SNCAIP: variants seen among roughly 807,000 people sequenced by gnomAD.
SNCAIP encodes synphilin-1.
Under a neutral mutation model 86.7 loss-of-function variants are expected in SNCAIP, and 43 were observed. The observed-to-expected ratio is 0.50, with a 90% CI of 0.39 to 0.64. SNCAIP has a LOEUF of 0.64. Ranked by LOEUF, SNCAIP falls within the 30% of genes least tolerant of loss-of-function variation. The pLI, the probability that SNCAIP is intolerant of heterozygous loss-of-function variation, is 0.00. For synonymous variants in SNCAIP, 417 were observed against 427.2 expected, an observed-to-expected ratio of 0.98 and a Z score of 0.29; for missense variants, 981 against 1,103.1, an observed-to-expected ratio of 0.89 and a Z score of 1.57.
At chr5:122,382,036 C>G (rs929640346) in intron 1 of SNCAIP, among the ~76,000 whole-genome samples, 2 of 152,036 alleles carry the variant, frequency 1.3e-5, no homozygotes, top group Admixed American at 1.3e-4. Flanking sequence ...TTGCTCTTCT[C>G]GAGGATTATC....
intron 1 of SNCAIP, among the ~76,000 whole-genome samples, chr5:122,344,897 A>T (rs1361466750): frequency 6.6e-6 from 1 of 152,206 alleles, no homozygotes; most frequent in Non-Finnish European, 1.5e-5. Context: ...GTTGCCTTTA[A>T]TAGGAAATAT....
intron 10 of SNCAIP, among the ~76,000 whole-genome samples, chr5:122,453,241 T>C (rs1784077055): frequency 6.6e-6 from 1 of 152,196 alleles, no homozygotes; most frequent in South Asian, 2.1e-4. Flanking sequence ...GTTCACAAAC[T>C]TTTGCTGTAT....
intron 1 of SNCAIP, among the ~76,000 whole-genome samples, chr5:122,383,279 A>T (rs1421625812): frequency 6.6e-6 from 1 of 152,142 alleles, no homozygotes; most frequent in African/African-American, 2.4e-5. Flanking sequence ...AAAGCTCAAT[A>T]TTCGGGTGGG....
chr5:122,406,832 G>C (rs1000385360), intron 3 of SNCAIP, among the ~76,000 whole-genome samples: 2 of 151,952 alleles, frequency 1.3e-5, no homozygotes, highest in African/African-American at 2.4e-5. Flanking sequence ...CCAATCTCGG[G>C]TATTTCTTTA....
intron 7 of SNCAIP, chr5:122,444,211 C>T (rs1326443597): frequency 2.1e-6 from 1 of 474,936 alleles, no homozygotes; most frequent in Non-Finnish European, 4.2e-6. Context: ...ATTCCAGTCT[C>T]CCCCTCTTAC....
chr5:122,382,860 CA>C (rs1767187078), intron 1 of SNCAIP, among the ~76,000 whole-genome samples: 1 of 152,234 alleles, frequency 6.6e-6, no homozygotes, highest in Non-Finnish European at 1.5e-5. Flanking sequence ...GCTCGGGGGT[CA>C]GGGGTCAGGG....
At chr5:122,414,004 G>A (rs966730605) in intron 3 of SNCAIP, among the ~76,000 whole-genome samples, 13 of 152,070 alleles carry the variant, frequency 8.5e-5, no homozygotes, top group African/African-American at 3.1e-4. Context: ...CCAACTCCTG[G>A]ACTCAAGCAG....
intron 1 of SNCAIP, among the ~76,000 whole-genome samples, chr5:122,378,882 C>T (rs1033096860): frequency 1.4e-5 from 2 of 145,874 alleles, no homozygotes; most frequent in Non-Finnish European, 3.0e-5. Context: ...GGGCTCTGTT[C>T]TGTTCCATTC....
intron 1 of SNCAIP, among the ~76,000 whole-genome samples, chr5:122,380,177 T>C (rs1336409008): frequency 3.3e-5 from 5 of 152,192 alleles, no homozygotes. Context: ...TCCTGTACTC[T>C]TTTTGGTTGG....
rs76138176 is a variant in SNCAIP at position 122,329,378 on chromosome 5, T to G, written c.-47+17094T>G. 9.4e-3 allele frequency among the ~76,000 whole-genome samples: 1,430 copies of G among 152,206 alleles called. 24 individuals carry two copies. Among genetic ancestry groups the G allele is most frequent in the African/African-American group, 0.033 (1,358 of 41,548 alleles). On this transcript the variant is annotated intron_variant, in intron 1 of 10. Coordinates refer to ENST00000261368, the MANE Select transcript of SNCAIP (RefSeq NM_005460.4). ...GGTTAATTATTCATAATACTCCCTC[T>G]CTTGAACCTCCCGGTGTCTCCCAAT... is the stretch of plus-strand genomic sequence containing the variant.
At chr5:122,355,710 G>A (rs546361260) in intron 1 of SNCAIP, among the ~76,000 whole-genome samples, 69 of 152,272 alleles carry the variant, frequency 4.5e-4, no homozygotes, top group African/African-American at 1.5e-3. Context: ...TCACAGAGGG[G>A]AATGGAGTAG....
chr5:122,382,017 G>A (rs1351102865), intron 1 of SNCAIP, among the ~76,000 whole-genome samples: 1 of 151,964 alleles, frequency 6.6e-6, no homozygotes, highest in Non-Finnish European at 1.5e-5. Flanking sequence ...ACAATTATGT[G>A]TCTTGGGGTT....
At chr5:122,375,410 A>G (rs1399415517) in intron 1 of SNCAIP, among the ~76,000 whole-genome samples, 1 of 150,322 alleles carries the variant, frequency 6.7e-6, no homozygotes, top group Non-Finnish European at 1.5e-5. Context: ...AATTGTTTTC[A>G]GTGTCTTCAC....
intron 1 of SNCAIP, among the ~76,000 whole-genome samples, chr5:122,378,751 C>A (rs1765951682): frequency 1.5e-5 from 2 of 137,504 alleles, no homozygotes; most frequent in African/African-American, 2.8e-5. Context: ...TTTCAGCTTT[C>A]TACATATGGC....
Position 122,451,241 on chromosome 5 carries a change from C to T in SNCAIP, c.2394C>T (p.Ala798=). 6.2e-7 allele frequency: 1 copy of T among 1,614,134 alleles called. No individual in the cohort carries two copies. Among genetic ancestry groups the T allele is most frequent in the Non-Finnish European group, 8.5e-7 (1 of 1,180,008 alleles). ...AAGTTGCCACAAGTCCCAAGAGTGCCCTCAAGTCTCCATCTTCCAAGCGTA... is the reference window on the plus strand; with the variant it reads ...AAGTTGCCACAAGTCCCAAGAGTGCTCTCAAGTCTCCATCTTCCAAGCGTA... The part of the protein sequence containing the change: ...AQKVATSPKS[A]LKSPSSKRRT... Residue 798 remains alanine (A), a synonymous_variant, in exon 10 of 11, where the codon GCC becomes GCT. Coordinates refer to ENST00000261368, the MANE Select transcript of SNCAIP (RefSeq NM_005460.4).
chr5:122,415,753 C>G (rs1420331651), intron 3 of SNCAIP, among the ~76,000 whole-genome samples: 2 of 152,166 alleles, frequency 1.3e-5, no homozygotes, highest in Non-Finnish European at 2.9e-5. Context: ...TGAGCCTGCT[C>G]ACAGCTCTGC....
intron 1 of SNCAIP, among the ~76,000 whole-genome samples, chr5:122,327,095 T>A (rs182595244): frequency 6.6e-6 from 1 of 152,156 alleles, no homozygotes; most frequent in Admixed American, 6.5e-5. Flanking sequence ...TAGATTTCAT[T>A]TCTTTTTATT....
intron 1 of SNCAIP, among the ~76,000 whole-genome samples, chr5:122,313,671 A>G (rs1751122447): frequency 6.6e-6 from 1 of 152,234 alleles, no homozygotes. Context: ...ACTGTTTCTG[A>G]TGCATCTCAA....
chr5:122,415,248 G>A (rs1775070245), intron 3 of SNCAIP, among the ~76,000 whole-genome samples: 1 of 152,158 alleles, frequency 6.6e-6, no homozygotes, highest in African/African-American at 2.4e-5. Context: ...TCAGGCCATG[G>A]TAGGAGCCTG....
Sources: gnomAD v4.1 joint callset for allele counts (sites outside exome capture counted in the v4.1 genomes callset) on GRCh38, gnomAD v4.1.1 for gene constraint, MANE v1.5 for transcripts, NCBI Gene and HGNC (gene_info 2026-07-23, HGNC 2026-07-21) for gene names.